Variants in KLHL32 observed in about 807,000 individuals in gnomAD.
The protein encoded by KLHL32 is kelch-like protein 32.
A neutral mutation model predicts 64.8 loss-of-function variants in KLHL32; 35 were observed. The ratio of observed to expected loss-of-function variants is 0.54; its 90% CI spans 0.41 to 0.72. The LOEUF (loss-of-function observed/expected upper bound fraction) is 0.72. KLHL32 is among the 30% of genes least tolerant of loss of function. KLHL32 has a pLI of 0.00. For missense variants in KLHL32, 589 were observed against 768.5 expected, an observed-to-expected ratio of 0.77 and a Z score of 2.76; for synonymous variants, 259 against 281.0, an observed-to-expected ratio of 0.92 and a Z score of 0.78.
At chr6:97,072,720 A>G (rs931919432) in intron 5 of KLHL32, among the ~76,000 whole-genome samples, 3 of 152,152 alleles carry the variant, frequency 2.0e-5, no homozygotes, top group African/African-American at 7.2e-5. Context: ...ATTCCTATTT[A>G]ACTTTCAAGT....
chr6:96,972,363 T>C (rs987793158), intron 2 of KLHL32, among the ~76,000 whole-genome samples: 1 of 152,190 alleles, frequency 6.6e-6, no homozygotes. Flanking sequence ...CCATGTGTGG[T>C]TAGTGTCTAC....
intron 2 of KLHL32, among the ~76,000 whole-genome samples, chr6:96,972,816 A>C (rs1775257319): frequency 2.0e-5 from 3 of 152,110 alleles, no homozygotes; most frequent in South Asian, 4.2e-4. Flanking sequence ...TCCCCATTTT[A>C]ATTTAGACAT....
chr6:97,060,133 G>C (rs1462135572), intron 4 of KLHL32, among the ~76,000 whole-genome samples: 2 of 152,000 alleles, frequency 1.3e-5, no homozygotes, highest in Admixed American at 1.3e-4. Flanking sequence ...CAAGAAGCAG[G>C]TAATTAAAAA....
intron 1 of KLHL32, among the ~76,000 whole-genome samples, chr6:96,930,819 T>A (rs1328193471): frequency 6.6e-6 from 1 of 152,050 alleles, no homozygotes; most frequent in East Asian, 1.9e-4. Context: ...AGCATCGGCC[T>A]GGTCACAAGG....
At position 97,055,796 on chromosome 6, in the gene KLHL32, T is replaced by TAAAAAAAAAAAAAAAAAAAAAAAAAAA. The variant is rs750242567; in HGVS notation, c.313-8806_313-8805insAAAAAAAAAAAAAAAAAAAAAAAAAAA. Among the ~76,000 whole-genome samples the TAAAAAAAAAAAAAAAAAAAAAAAAAAA allele has an allele frequency of 3.7e-3, 300 of 81,024 alleles. 64 individuals carry two copies. The highest frequency in any genetic ancestry group is 0.023 in the Middle Eastern group (3 of 132). 53.2% of individuals were successfully genotyped at this position (81,024 alleles called of 152,430 possible). Reference sequence around the variant, plus strand: ...CGAGGTAACAGACTGAGAACCTGTCTAAAAAAAAAAAAAAAAAAAAAAAAA... The same window carrying TAAAAAAAAAAAAAAAAAAAAAAAAAAA: ...CGAGGTAACAGACTGAGAACCTGTCTAAAAAAAAAAAAAAAAAAAAAAAAAAAAAAAAAAAAAAAAAAAAAAAAAAAA... On this transcript the variant is annotated intron_variant, in intron 4 of 10. Transcript: ENST00000369261.
At chr6:97,085,387 C>A in intron 6 of KLHL32, 46 bp downstream of exon 6, 2 of 1,523,038 alleles carry the variant, frequency 1.3e-6, no homozygotes, top group East Asian at 2.3e-5. Flanking sequence ...AAAAGCATGC[C>A]GTGATTGGAA....
At chr6:97,095,537 C>A (rs1283132930) in intron 6 of KLHL32, among the ~76,000 whole-genome samples, 2 of 152,206 alleles carry the variant, frequency 1.3e-5, no homozygotes, top group Admixed American at 6.5e-5. Context: ...CTCTGTGAAA[C>A]AGCTGGGAAA....
At chr6:96,911,138 C>T in the KLHL32 span, among the ~76,000 whole-genome samples, 5 of 152,304 alleles carry the variant, frequency 3.3e-5, no homozygotes, top group Admixed American at 2.0e-4. Context: ...ACTTTATTCT[C>T]TCATAGTTCT....
At chr6:96,980,853 A>G (rs894304048) in intron 3 of KLHL32, among the ~76,000 whole-genome samples, 2 of 152,142 alleles carry the variant, frequency 1.3e-5, no homozygotes, top group Admixed American at 1.3e-4. Flanking sequence ...GACATACCTG[A>G]GACTGGGTAA....
intron 3 of KLHL32, among the ~76,000 whole-genome samples, chr6:96,992,376 A>G (rs577225077): frequency 1.3e-5 from 2 of 152,122 alleles, no homozygotes; most frequent in South Asian, 2.1e-4. Flanking sequence ...CACTCTTCTC[A>G]CTTCTGTGTG....
chr6:97,012,555 G>GT (rs1780548722), intron 3 of KLHL32, among the ~76,000 whole-genome samples: 2 of 152,216 alleles, frequency 1.3e-5, no homozygotes, highest in South Asian at 4.1e-4. Flanking sequence ...GATTTGTGTT[G>GT]TTTTAAACCA....
intron 1 of KLHL32, among the ~76,000 whole-genome samples, chr6:96,954,312 ATTTTT>A (rs71012579): frequency 6.3e-4 from 56 of 89,444 alleles, no homozygotes; most frequent in African/African-American, 2.4e-3. Context: ...CTTTCCTTCA[ATTTTT>A]TTTTTTTTTT....
chr6:97,109,321 T>A (rs17057443), intron 6 of KLHL32, among the ~76,000 whole-genome samples: 2 of 152,264 alleles, frequency 1.3e-5, no homozygotes, highest in African/African-American at 4.8e-5. Context: ...TTGAAAGTTA[T>A]ATGAAATCTA....
upstream of KLHL32, among the ~76,000 whole-genome samples, chr6:96,923,105 T>C (rs1437271655): frequency 6.6e-6 from 1 of 152,204 alleles, no homozygotes; most frequent in Non-Finnish European, 1.5e-5. Context: ...GAGTTGGTGG[T>C]GTAAATATTC....
intron 4 of KLHL32, among the ~76,000 whole-genome samples, chr6:97,044,737 TGC>T (rs1448193849): frequency 1.3e-5 from 2 of 152,068 alleles, no homozygotes; most frequent in African/African-American, 2.4e-5. Flanking sequence ...TATTCAGTCT[TGC>T]TAGGTTGTAT....
chr6:96,994,307 G>C (rs755390525), intron 3 of KLHL32, among the ~76,000 whole-genome samples: 2 of 152,198 alleles, frequency 1.3e-5, no homozygotes, highest in East Asian at 1.9e-4. Flanking sequence ...TTTCATAAAG[G>C]CTCAATAAAT....
intron 5 of KLHL32, among the ~76,000 whole-genome samples, chr6:97,080,271 A>T (rs1415958330): frequency 6.6e-6 from 1 of 152,240 alleles, no homozygotes. Flanking sequence ...AGGGACAATC[A>T]GGAAGGCCTG....
At chr6:97,041,721 G>A in intron 4 of KLHL32, 122 bp downstream of exon 4, 1 of 585,148 alleles carries the variant, frequency 1.7e-6, no homozygotes, top group Non-Finnish European at 3.0e-6. Flanking sequence ...TTAAAAATAA[G>A]ATTCACATCC....
chr6:97,127,671 A>G (rs1234894566), intron 8 of KLHL32, among the ~76,000 whole-genome samples: 1 of 152,196 alleles, frequency 6.6e-6, no homozygotes, highest in East Asian at 1.9e-4. Context: ...TTTGTGCTAT[A>G]CAGAATACAT....
Sources: allele counts gnomAD v4.1 joint callset (sites outside exome capture counted in the v4.1 genomes callset), GRCh38; gene constraint gnomAD v4.1.1; transcripts MANE v1.5; gene names NCBI Gene and HGNC (gene_info 2026-07-23, HGNC 2026-07-21).